Variants in DOCK6 observed in about 807,000 individuals in gnomAD.
DOCK6 encodes the protein dedicator of cytokinesis protein 6.
DOCK6 carries 167 observed loss-of-function variants against 230.3 expected under a neutral mutation model. That is an observed-to-expected ratio of 0.73 (90% CI 0.64 to 0.82). DOCK6 has a LOEUF of 0.82. Among genes scored for constraint, DOCK6 ranks in the 40% least tolerant of loss-of-function variants. DOCK6 has a pLI of 0.00. For synonymous variants in DOCK6, 1,148 were observed against 1,185.0 expected (o/e 0.97, Z 0.64); for missense variants, 2,598 against 2,825.8 (o/e 0.92, Z 1.83).
intron 13 of DOCK6, 114 bp downstream of exon 13, chr19:11,242,945 A>G: frequency 8.2e-7 from 1 of 1,217,414 alleles, no homozygotes; most frequent in Non-Finnish European, 1.2e-6. Flanking sequence ...GGATTTGTCC[A>G]TCATGGTCAT....
In DOCK6 at chr19:11,250,919, C is replaced by T. The variant is rs1253734690; in HGVS notation, c.675G>A (p.Gln225=). ...GGGTGAGCAGGGCCGGGGGCCGGTG[C>T]TGCCGTCGAAGGGTTTCATTGCGCC... ...VDRRNETLRR[Q]HRPPALLTLY... is the part of the protein sequence containing the mutation. Residue 225 remains glutamine, a synonymous_variant, in exon 6 of 48, where the codon CAG becomes CAA. Transcript: ENST00000294618. 4 of 1,606,162 alleles carry T rather than the reference C, an allele frequency of 2.5e-6. No individual in the cohort carries two copies. Among genetic ancestry groups the T allele is most frequent in the Non-Finnish European group, 3.4e-6 (4 of 1,173,686 alleles).
intron 39 of DOCK6, among the ~76,000 whole-genome samples, chr19:11,206,581 GAA>G (rs1203500383): frequency 1.3e-5 from 2 of 151,574 alleles, no homozygotes; most frequent in South Asian, 2.1e-4. Flanking sequence ...AAGAAAGAAA[GAA>G]AAAAGAGACT....
chr19:11,241,614 G>A, intron 14 of DOCK6: 1 of 1,561,332 alleles, frequency 6.4e-7, no homozygotes, highest in African/African-American at 1.4e-5. Flanking sequence ...CAGGGCAGCT[G>A]GAAAGGGGCC....
At chr19:11,210,814 C>A (rs577310750) in intron 37 of DOCK6, among the ~76,000 whole-genome samples, 6 of 150,828 alleles carry the variant, frequency 4.0e-5, no homozygotes, top group Non-Finnish European at 7.4e-5. Context: ...CTCACCTGTT[C>A]ATCTTCTCAT....
intron 22 of DOCK6, chr19:11,232,278 G>A (rs1382481662): frequency 4.7e-6 from 6 of 1,289,536 alleles, no homozygotes; most frequent in African/African-American, 1.5e-5. Flanking sequence ...AGGAGTGTGA[G>A]CGATCGATGC....
intron 22 of DOCK6, among the ~76,000 whole-genome samples, chr19:11,229,679 G>A (rs960694005): frequency 6.6e-6 from 1 of 151,900 alleles, no homozygotes; most frequent in Admixed American, 6.6e-5. Context: ...TAAAAGAGTC[G>A]CTGGAGAGAG....
At chr19:11,257,505 AAAG>A (rs1172126675) in intron 1 of DOCK6, among the ~76,000 whole-genome samples, 2 of 150,866 alleles carry the variant, frequency 1.3e-5, no homozygotes, top group African/African-American at 2.4e-5. Context: ...AAAAAAAAAA[AAAG>A]CTGGGCACTG....
At position 11,214,739 on chromosome 19, in the gene DOCK6, G is replaced by A; in HGVS notation, c.4107-90C>T. On this transcript the variant is annotated intron_variant, in intron 32 of 47. Transcript: ENST00000294618. ...TCTCCTTCCCCTGGCAGCCCAGGGG[G>A]CACTGGCTCCCTGGAAGCTGTTCTG... 3.1e-5 allele frequency: 37 copies of A among 1,204,258 alleles called. 1 individual carries two copies. In the South Asian group the frequency reaches 3.7e-4, roughly 12 times the overall value. The allele number at this position is 1,204,258 out of a possible 1,614,324, so 74.6% of individuals were successfully genotyped here.
intron 9 of DOCK6, among the ~76,000 whole-genome samples, chr19:11,244,450 GCTTT>G: frequency 1.5e-5 from 1 of 68,322 alleles, no homozygotes; most frequent in Non-Finnish European, 2.7e-5. Context: ...ACCACACCTG[GCTTT>G]TTTTTTTTTT....
At chr19:11,262,308 G>T in intron 1 of DOCK6, 89 bp downstream of exon 1, 2 of 906,082 alleles carry the variant, frequency 2.2e-6, no homozygotes, top group Non-Finnish European at 2.8e-6. Flanking sequence ...GGGTTGAATT[G>T]GGGGCGCCCG....
Position 11,212,002 on chromosome 19 carries a change from G to A in DOCK6, c.4641C>T (p.Phe1547=), listed in dbSNP as rs750904031. The A allele has an allele frequency of 5.8e-5, 93 of 1,604,698 alleles. No homozygotes were observed. The highest frequency in any genetic ancestry group is 4.1e-4 in the African/African-American group (31 of 74,814). Residue 1547 remains phenylalanine, a synonymous_variant, in exon 36 of 48, where the codon TTC becomes TTT. Coordinates refer to ENST00000294618, the MANE Select transcript of DOCK6 (RefSeq NM_020812.4). ...ACCCAGCAGGTGTCACCTGCTCTGCGAAGGTGCTGTCCCGCAGCCCCATGT... is the reference window on the plus strand; with the variant it reads ...ACCCAGCAGGTGTCACCTGCTCTGCAAAGGTGCTGTCCCGCAGCCCCATGT... ...EEDMGLRDST[F]AEQVQDLMFN...
chr19:11,237,606 A>C, intron 17 of DOCK6, 35 bp downstream of exon 17: 1 of 406,714 alleles, frequency 2.5e-6, no homozygotes, highest in Non-Finnish European at 3.6e-6. Context: ...GGGGACGAGG[A>C]GGGCTCAGGG....
rs1044123664 is a variant in DOCK6, at chr19:11,228,560, C to CTTTTT, written c.2814+375_2814+379dup. Among the ~76,000 whole-genome samples, 15 of 128,908 alleles carry CTTTTT rather than the reference C, an allele frequency of 1.2e-4. No individual in the cohort carries two copies. In the East Asian group the frequency reaches 2.7e-3, roughly 23 times the overall value. The allele number at this position is 128,908 out of a possible 152,430, so 84.6% of individuals were successfully genotyped here. A position where few individuals can be genotyped will look rare whatever the true frequency, so the allele number is the denominator to read the frequency against. ...AGGTGCAATTTCAGGGGGCTTCTCT[C>CTTTTT]TTTTTTTTTTTTTTTTTGAGACAGA... On this transcript the variant is annotated intron_variant, in intron 23 of 47. Transcript: ENST00000294618.
Position 11,208,670 on chromosome 19 carries a change from G to A in DOCK6, c.5088+16C>T, listed in dbSNP as rs758222309. 5.0e-6 allele frequency: 8 copies of A among 1,604,004 alleles called. No individual in the cohort carries two copies. The Admixed American group carries it at 6.7e-5, about 13-fold the overall frequency. ...GCCCGAGCCCCCTCTCCTGCACCCA[G>A]TCCCCAAGGCCTCACCATGGTGAAG... On this transcript the variant is annotated intron_variant, in intron 39 of 47. Coordinates refer to ENST00000294618, the MANE Select transcript of DOCK6 (RefSeq NM_020812.4).
chr19:11,243,442 G>T lies in DOCK6; in HGVS notation c.1259-57C>A. On this transcript the variant is annotated intron_variant, in intron 11 of 47. Transcript: ENST00000294618. The surrounding 1 kb of genome is among the most constrained non-coding windows in gnomAD (Gnocchi z 6.3). ...GACCAAGATGAAACAGGGAGACTCA[G>T]GGGCGGCACAGTTCGGCCAGCAGAG... The T allele has an allele frequency of 6.4e-7, 1 of 1,573,550 alleles. No homozygotes were observed. The highest frequency in any genetic ancestry group is 1.2e-5 in the South Asian group (1 of 86,490).
rs2079145337 is a variant in DOCK6 at position 11,200,211 on chromosome 19, G to A, written c.6101+97C>T. On this transcript the variant is annotated intron_variant, in intron 47 of 47. Transcript: ENST00000294618. The surrounding 1 kb of genome is among the most constrained non-coding windows in gnomAD (Gnocchi z 4.3). ...AGTCCAAGCTACCAGCAAACATGTTGCTGTGTATGTGTACAACAGCCCCCA... is the reference window on the plus strand; with the variant it reads ...AGTCCAAGCTACCAGCAAACATGTTACTGTGTATGTGTACAACAGCCCCCA... 5 of 1,238,252 alleles carry A rather than the reference G, an allele frequency of 4.0e-6. No individual in the cohort carries two copies. The highest frequency in any genetic ancestry group is 5.5e-6 in the Non-Finnish European group (5 of 914,274). 76.7% of individuals were successfully genotyped at this position (1,238,252 alleles called of 1,614,324 possible).
chr19:11,245,692 G>A lies in DOCK6; in HGVS notation c.894C>T (p.Phe298=), dbSNP rs1440419905. 5 of 1,605,186 alleles carry A rather than the reference G, an allele frequency of 3.1e-6. No homozygotes were observed. The highest frequency in any genetic ancestry group is 1.1e-5 in the South Asian group (1 of 89,822). The change falls in exon 9 of 48, where the codon TTC becomes TTT. Residue 298 remains phenylalanine (F), a synonymous_variant. Coordinates refer to ENST00000294618, the MANE Select transcript of DOCK6 (RefSeq NM_020812.4). ...EKKKISENFY[F]DLNSDSMKGL... ...CCTTCATGGAGTCCGAGTTCAGGTC[G>A]AAGTAGAAGTTCTCCGAGATCTGGG...
intron 30 of DOCK6, 148 bp downstream of exon 30, chr19:11,216,766 C>T (rs966517052): frequency 1.7e-5 from 14 of 810,492 alleles, no homozygotes; most frequent in Admixed American, 7.4e-5. Context: ...TGCCTCAGCA[C>T]AGAAACAGTC....
At chr19:11,225,956 TC>T (rs1164147019) in intron 24 of DOCK6, among the ~76,000 whole-genome samples, 2 of 150,966 alleles carry the variant, frequency 1.3e-5, no homozygotes, top group African/African-American at 4.9e-5. Context: ...GGAGAGAGGA[TC>T]CCTTGAGCCC....
Sources: gnomAD v4.1 joint callset for allele counts (sites outside exome capture counted in the v4.1 genomes callset) on GRCh38, gnomAD v4.1.1 for gene constraint, Gnocchi (gnomAD v3.1) non-coding constraint, MANE v1.5 for transcripts, NCBI Gene and HGNC (gene_info 2026-07-23, HGNC 2026-07-21) for gene names.